TET3: variants seen among roughly 807,000 people sequenced by gnomAD.
TET3 encodes methylcytosine dioxygenase TET3.
Under a neutral mutation model 141.4 loss-of-function variants are expected in TET3, and 19 were observed. The observed-to-expected ratio is 0.13, with a 90% CI of 0.09 to 0.20. The LOEUF (loss-of-function observed/expected upper bound fraction) is 0.20, where lower values mean the gene tolerates loss of function less well. Ranked by LOEUF, TET3 falls within the 10% of genes least tolerant of loss-of-function variation. The pLI, the probability that TET3 is intolerant of heterozygous loss-of-function variation, is 1.00. For synonymous variants in TET3, 1,043 were observed against 980.9 expected (o/e 1.06, Z -1.18); for missense variants, 1,874 against 2,356.9 (o/e 0.80, Z 4.24).
intron 4 of TET3, among the ~76,000 whole-genome samples, chr2:74,051,152 A>C (rs1687920704): frequency 6.6e-6 from 1 of 152,218 alleles, no homozygotes; most frequent in Non-Finnish European, 1.5e-5. Context: ...GCAAGCTTGC[A>C]GGATGGGATG....
chr2:74,004,306 C>T (rs1685036237), intron 3 of TET3, among the ~76,000 whole-genome samples: 1 of 152,146 alleles, frequency 6.6e-6, no homozygotes, highest in African/African-American at 2.4e-5. Context: ...CCCTTAGTTT[C>T]CTCCCTGGAA....
the TET3 span, among the ~76,000 whole-genome samples, chr2:74,125,734 T>G: frequency 2.0e-5 from 3 of 152,044 alleles, no homozygotes; most frequent in African/African-American, 7.3e-5. Context: ...GAGGTCTCAC[T>G]GTGTTGCCCA....
At position 74,104,374 on chromosome 2, in the gene TET3, G is replaced by A. The variant is rs1691391450; in HGVS notation, c.*2198G>A. On this transcript the variant is annotated 3_prime_UTR_variant, in exon 12 of 12. Transcript: ENST00000409262. The stretch of plus-strand genomic sequence containing the variant: ...AAACCTCTGACCTTCAGTTTGACAA[G>A]CTAAAGGAAGCAGAGTCTTTAATGA... The A allele has an allele frequency of 6.6e-6, 1 of 152,194 alleles. No individual in the cohort carries two copies. The highest frequency in any genetic ancestry group is 1.5e-5 in the Non-Finnish European group (1 of 68,032). 9.4% of individuals were successfully genotyped at this position (152,194 alleles called of 1,614,324 possible). A position where few individuals can be genotyped will look rare whatever the true frequency, so the allele number is the denominator to read the frequency against.
Position 74,047,750 on chromosome 2 carries a change from G to A in TET3, c.1833G>A (p.Lys611=), listed in dbSNP as rs1344514502. 5 of 1,613,750 alleles carry A rather than the reference G, an allele frequency of 3.1e-6. No homozygotes were observed. Among genetic ancestry groups the A allele is most frequent in the Middle Eastern group, 1.6e-4 (1 of 6,062 alleles). Residue 611 remains lysine, a synonymous_variant, in exon 4 of 12, where the codon AAG becomes AAA. Transcript: ENST00000409262. ...PSVRKPIQIK[K]SRPREAQPLF... ...TCCGAAAGCCCATTCAGATCAAGAA[G>A]TCCAGGCCCCGGGAAGCACAGCCCC...
the TET3 span, among the ~76,000 whole-genome samples, chr2:74,126,700 T>A: frequency 6.6e-6 from 1 of 152,162 alleles, no homozygotes; most frequent in Non-Finnish European, 1.5e-5. Context: ...AGACGGGGTT[T>A]CATCGTGTTA....
Position 74,101,314 on chromosome 2 carries a change from G to C in TET3, c.4526G>C (p.Arg1509Pro), listed in dbSNP as rs201185906. 11 of 1,613,460 alleles carry C rather than the reference G, an allele frequency of 6.8e-6. No homozygotes were observed. The change falls in exon 12 of 12, where the codon CGA (arginine) becomes CCA (proline). Residue 1509 changes from arginine (R) to proline (P), a missense_variant. Transcript: ENST00000409262. This position sits in a 1 kb window ranked among gnomAD's most constrained non-coding sequence, Gnocchi z 8.5. ...QAASHSGGRL[R>P]GKPWSPCKFG... ...GCTTCCCACTCTGGAGGACGGCTGC[G>C]AGGCAAACCGTGGAGCCCCTGCAAG... is the stretch of plus-strand genomic sequence containing the variant.
the TET3 span, among the ~76,000 whole-genome samples, chr2:74,127,595 T>C: frequency 6.6e-6 from 1 of 152,148 alleles, no homozygotes; most frequent in Non-Finnish European, 1.5e-5. Context: ...CCAGACTAAC[T>C]ACCCAAGAAA....
chr2:74,083,472 G>T (rs577007158), intron 6 of TET3, among the ~76,000 whole-genome samples: 1 of 152,228 alleles, frequency 6.6e-6, no homozygotes, highest in Non-Finnish European at 1.5e-5. Context: ...TTGGGGTTCT[G>T]CTGGGGGTTA....
At chr2:74,036,302 A>G (rs939664174) in intron 3 of TET3, among the ~76,000 whole-genome samples, 1 of 152,158 alleles carries the variant, frequency 6.6e-6, no homozygotes, top group African/African-American at 2.4e-5. Flanking sequence ...ATAGGTGTAA[A>G]ATGGAATCTT....
chr2:74,017,754 A>G (rs997449641), intron 3 of TET3, among the ~76,000 whole-genome samples: 2 of 152,200 alleles, frequency 1.3e-5, no homozygotes, highest in African/African-American at 2.4e-5. Flanking sequence ...ACGTATATCC[A>G]GAAGTGAGAT....
chr2:74,084,901 C>T (rs901060091), intron 6 of TET3, among the ~76,000 whole-genome samples: 3 of 152,008 alleles, frequency 2.0e-5, no homozygotes, highest in Non-Finnish European at 4.4e-5. Flanking sequence ...TGCCACTGCA[C>T]TCCAGCCTGT....
chr2:74,088,166 G>A, intron 7 of TET3, 128 bp downstream of exon 7: 1 of 970,154 alleles, frequency 1.0e-6, no homozygotes, highest in Middle Eastern at 2.4e-4. Flanking sequence ...GTCCTGCACA[G>A]TTAGGACTGT....
chr2:74,015,801 C>G (rs1025415855), intron 3 of TET3, among the ~76,000 whole-genome samples: 1 of 152,060 alleles, frequency 6.6e-6, no homozygotes, highest in African/African-American at 2.4e-5. Flanking sequence ...TTGATAATAT[C>G]TATCAAATTT....
intron 8 of TET3, 57 bp from the exon 9 acceptor site, chr2:74,092,845 G>A: frequency 2.0e-6 from 3 of 1,466,434 alleles, no homozygotes; most frequent in Non-Finnish European, 2.8e-6. Context: ...CACTTCCAGG[G>A]TGCAGGGTCT....
intron 5 of TET3, among the ~76,000 whole-genome samples, chr2:74,077,846 C>A (rs1010404824): frequency 6.6e-6 from 1 of 152,200 alleles, no homozygotes; most frequent in Admixed American, 6.5e-5. Flanking sequence ...GGCTGTTCTC[C>A]CAACAGGGAT....
Position 73,984,959 on chromosome 2 carries a change from G to A in TET3, c.-623G>A, listed in dbSNP as rs1218793169. Among the ~76,000 whole-genome samples the A allele has an allele frequency of 6.8e-6, 1 of 146,916 alleles. No individual in the cohort carries two copies. Among genetic ancestry groups the A allele is most frequent in the Non-Finnish European group, 1.5e-5 (1 of 65,980 alleles). On this transcript the variant is annotated 5_prime_UTR_variant, in exon 1 of 12. Transcript: ENST00000409262. The surrounding 1 kb of genome is among the most constrained non-coding windows in gnomAD (Gnocchi z 5.6). ...TGCTGCTGCTGCCGCCGCGGCCGCCGCTGCCTCTTCCTTCCTCCTGCGCCG... is the reference window on the plus strand; with the variant it reads ...TGCTGCTGCTGCCGCCGCGGCCGCCACTGCCTCTTCCTTCCTCCTGCGCCG...
intron 10 of TET3, among the ~76,000 whole-genome samples, chr2:74,095,182 T>C (rs1380693274): frequency 2.0e-5 from 3 of 152,172 alleles, no homozygotes; most frequent in Non-Finnish European, 4.4e-5. Context: ...TTATGCCCCC[T>C]GGGGATTGAT....
At chr2:74,118,095 A>C in the TET3 span, among the ~76,000 whole-genome samples, 1 of 152,252 alleles carries the variant, frequency 6.6e-6, no homozygotes, top group African/African-American at 2.4e-5. Context: ...TACCTGCTTT[A>C]AACACCTGTG....
At chr2:73,991,515 T>C (rs1419926870) in intron 2 of TET3, among the ~76,000 whole-genome samples, 1 of 151,990 alleles carries the variant, frequency 6.6e-6, no homozygotes, top group African/African-American at 2.4e-5. Context: ...TGACTTAAAG[T>C]CATCTTAGAG....
Sources: allele counts gnomAD v4.1 joint callset (sites outside exome capture counted in the v4.1 genomes callset), GRCh38; gene constraint gnomAD v4.1.1; non-coding constraint Gnocchi (gnomAD v3.1); transcripts MANE v1.5; gene names NCBI Gene and HGNC (gene_info 2026-07-23, HGNC 2026-07-21).